Variants in TIAM1 observed in about 807,000 individuals in gnomAD.
TIAM1 encodes the protein TIAM Rac1 associated GEF 1.
A neutral mutation model predicts 163.5 loss-of-function variants in TIAM1; 65 were observed. The observed-to-expected ratio is 0.40, with a 90% CI of 0.33 to 0.49. The LOEUF (loss-of-function observed/expected upper bound fraction) is 0.49. TIAM1 is among the 20% of genes least tolerant of loss of function. The pLI, the probability that TIAM1 is intolerant of heterozygous loss-of-function variation, is 0.77. For synonymous variants in TIAM1, 833 were observed against 810.1 expected (o/e 1.03, Z -0.48); for missense variants, 1,789 against 2,044.7 (o/e 0.87, Z 2.41).
Position 31,186,982 on chromosome 21 carries a change from C to T in TIAM1, c.2662+19G>A, listed in dbSNP as rs139213348. 209 of 1,610,472 alleles carry T rather than the reference C, an allele frequency of 1.3e-4. No individual in the cohort carries two copies. The African/African-American group carries it at 2.3e-3, about 18-fold the overall frequency. On this transcript the variant is annotated intron_variant, in intron 14 of 27. Coordinates refer to ENST00000541036, the MANE Select transcript of TIAM1 (RefSeq NM_001353694.2). Reference sequence around the variant, plus strand: ...AGGGCATTTAAGACAGACAGACCAGCCCTCCTTCACTGACTTACCTTTCTT... The same window carrying T: ...AGGGCATTTAAGACAGACAGACCAGTCCTCCTTCACTGACTTACCTTTCTT...
chr21:31,123,087 T>C (rs1174661158), intron 27 of TIAM1, among the ~76,000 whole-genome samples: 2 of 152,238 alleles, frequency 1.3e-5, no homozygotes, highest in Non-Finnish European at 2.9e-5. Flanking sequence ...TTGGTAATCA[T>C]GACGGACGAT....
At chr21:31,265,307 G>T (rs1419227580) in intron 4 of TIAM1, among the ~76,000 whole-genome samples, 1 of 148,062 alleles carries the variant, frequency 6.8e-6, no homozygotes, top group Non-Finnish European at 1.5e-5. Flanking sequence ...AGACCCCGAA[G>T]CAGGCAAGCT....
chr21:31,242,622 A>T (rs1175853845), intron 6 of TIAM1, among the ~76,000 whole-genome samples: 1 of 152,180 alleles, frequency 6.6e-6, no homozygotes, highest in Non-Finnish European at 1.5e-5. Flanking sequence ...GCTTCTGTAC[A>T]TTTAAGGAAA....
intron 2 of TIAM1, among the ~76,000 whole-genome samples, chr21:31,284,077 T>C (rs139658105): frequency 0.01 from 1,592 of 152,326 alleles, 15 homozygotes; most frequent in Non-Finnish European, 0.017. Context: ...AATGCTTAGA[T>C]CTGTCCTTTG....
chr21:31,208,993 CCCT>C (rs1444085109), intron 11 of TIAM1, among the ~76,000 whole-genome samples: 1 of 152,002 alleles, frequency 6.6e-6, no homozygotes, highest in Non-Finnish European at 1.5e-5. Flanking sequence ...CAATTCACTC[CCCT>C]AAGAATATAT....
chr21:31,201,469 C>T (rs577364796), intron 12 of TIAM1, among the ~76,000 whole-genome samples: 39 of 152,242 alleles, frequency 2.6e-4, no homozygotes, highest in Middle Eastern at 3.4e-3. Context: ...TAAAGGGGCA[C>T]AAGGTAACTT....
At chr21:31,296,659 G>C (rs1439904621) in intron 2 of TIAM1, among the ~76,000 whole-genome samples, 1 of 151,904 alleles carries the variant, frequency 6.6e-6, no homozygotes, top group Admixed American at 6.6e-5. Context: ...TTTGAGATTG[G>C]ACTGGAATTT....
chr21:31,162,749 C>G (rs1000983245), intron 16 of TIAM1, among the ~76,000 whole-genome samples: 1 of 151,430 alleles, frequency 6.6e-6, no homozygotes, highest in African/African-American at 2.4e-5. Context: ...TCAAGCAATT[C>G]TCCTGCCTCA....
intron 2 of TIAM1, among the ~76,000 whole-genome samples, chr21:31,418,003 G>A (rs555902223): frequency 1.1e-4 from 16 of 152,128 alleles, no homozygotes; most frequent in Admixed American, 6.5e-5. Context: ...TTTTTATTTC[G>A]GGGCAATTGG....
At position 31,417,570 on chromosome 21, in the gene TIAM1, C is replaced by T. The variant is rs184549749; in HGVS notation, c.-369+46413G>A. Among the ~76,000 whole-genome samples, 175 of 152,258 alleles carry T rather than the reference C, an allele frequency of 1.1e-3. 2 individuals carry two copies. Among genetic ancestry groups the T allele is most frequent in the African/African-American group, 4.1e-3 (169 of 41,554 alleles). The stretch of plus-strand genomic sequence containing the variant: ...CAATTATCTCCCACTGGGTCCCTCC[C>T]ACAATACGTGAGAATTATGGGAGCT... On this transcript the variant is annotated intron_variant, in intron 2 of 28. Coordinates refer to the TIAM1 transcript ENST00000286827.
chr21:31,189,383 T>C (rs2085451692), intron 13 of TIAM1, among the ~76,000 whole-genome samples: 1 of 152,138 alleles, frequency 6.6e-6, no homozygotes, highest in Non-Finnish European at 1.5e-5. Context: ...CCTCTTTTTG[T>C]ATAATCAAAA....
At chr21:31,164,852 A>G (rs950741901) in intron 16 of TIAM1, 110 bp downstream of exon 16, 3 of 1,081,126 alleles carry the variant, frequency 2.8e-6, no homozygotes, top group South Asian at 1.5e-5. Flanking sequence ...AAGCAAAAAC[A>G]CTTCGTCCAT....
intron 2 of TIAM1, among the ~76,000 whole-genome samples, chr21:31,350,193 A>T (rs1053393065): frequency 6.6e-6 from 1 of 152,172 alleles, no homozygotes; most frequent in Non-Finnish European, 1.5e-5. Flanking sequence ...ACTGTGGGGA[A>T]GTAGCAGGCC....
intron 13 of TIAM1, among the ~76,000 whole-genome samples, chr21:31,190,437 T>G (rs917404758): frequency 6.6e-6 from 1 of 151,824 alleles, no homozygotes; most frequent in African/African-American, 2.4e-5. Flanking sequence ...AACAAACTCA[T>G]GAGATGAACC....
At chr21:31,121,855 G>A (rs2082014956) in intron 27 of TIAM1, among the ~76,000 whole-genome samples, 1 of 152,198 alleles carries the variant, frequency 6.6e-6, no homozygotes, top group African/African-American at 2.4e-5. Flanking sequence ...TCACAGGGAA[G>A]GCTTCTGCTT....
At chr21:31,489,048 G>A (rs1224321380) in intron 1 of TIAM1, among the ~76,000 whole-genome samples, 2 of 150,628 alleles carry the variant, frequency 1.3e-5, no homozygotes, top group African/African-American at 4.9e-5. Flanking sequence ...CAAGATTTTC[G>A]TCAGCACCAG....
At chr21:31,165,154 C>A in intron 15 of TIAM1, 89 bp from the exon 16 acceptor site, 1 of 1,162,500 alleles carries the variant, frequency 8.6e-7, no homozygotes, top group South Asian at 1.3e-5. Flanking sequence ...AGGAATCTCG[C>A]TCATGACATG....
chr21:31,297,052 T>C (rs1167236486), intron 2 of TIAM1, among the ~76,000 whole-genome samples: 1 of 152,200 alleles, frequency 6.6e-6, no homozygotes, highest in African/African-American at 2.4e-5. Context: ...AGGGCTGTTC[T>C]AGAGGAACGT....
chr21:31,142,504 G>A (rs114271470), intron 20 of TIAM1, among the ~76,000 whole-genome samples: 4,147 of 141,020 alleles, frequency 0.029, 213 homozygotes, highest in African/African-American at 0.1. Flanking sequence ...GGTGGCAGGC[G>A]CCCATAATCC....
Sources: gnomAD v4.1 joint callset for allele counts (sites outside exome capture counted in the v4.1 genomes callset) on GRCh38, gnomAD v4.1.1 for gene constraint, MANE v1.5 for transcripts, NCBI Gene and HGNC (gene_info 2026-07-23, HGNC 2026-07-21) for gene names.